MZT1: variants seen among roughly 807,000 people sequenced by gnomAD.
MZT1 encodes mitotic spindle organizing protein 1.
Under a neutral mutation model 8.5 loss-of-function variants are expected in MZT1, and 8 were observed. The ratio of observed to expected loss-of-function variants is 0.94; its 90% CI spans 0.55 to 1.70. MZT1 has a LOEUF of 1.70. MZT1 is among the 40% of genes most tolerant of loss of function. The pLI, the probability that MZT1 is intolerant of heterozygous loss-of-function variation, is 0.00. For synonymous variants in MZT1, 38 were observed against 42.0 expected (o/e 0.90, Z 0.37); for missense variants, 93 against 108.6 (o/e 0.86, Z 0.64).
In MZT1 at chr13:72,719,045, C is replaced by CA. The variant is rs1202866631; in HGVS notation, c.131dup (p.Ser45ValfsTer8). 3 of 1,583,008 alleles carry CA rather than the reference C, an allele frequency of 1.9e-6. No individual in the cohort carries two copies. The highest frequency in any genetic ancestry group is 1.4e-5 in the African/African-American group (1 of 72,440). On this transcript the variant is annotated frameshift_variant, in exon 2 of 3. Transcript: ENST00000377818. LOFTEE classifies it high-confidence loss of function. ...GTTCACAAAGCCGTACACAAATAGA[C>CA]AGAGTTTCCATATCTAAGCCAGTAT...
chr13:72,727,478 G>T, intron 1 of MZT1, 46 bp downstream of exon 1: 1 of 1,590,296 alleles, frequency 6.3e-7, no homozygotes, highest in Non-Finnish European at 8.6e-7. Context: ...GGGGGCCTTG[G>T]CTCTGGGAAG....
intron 1 of MZT1, among the ~76,000 whole-genome samples, chr13:72,723,802 G>A (rs987187701): frequency 1.3e-5 from 2 of 152,132 alleles, no homozygotes; most frequent in Non-Finnish European, 2.9e-5. Flanking sequence ...TATTAGTCCA[G>A]GAGGAGAGAT....
At chr13:72,726,838 G>C (rs1221768553) in intron 1 of MZT1, among the ~76,000 whole-genome samples, 1 of 151,370 alleles carries the variant, frequency 6.6e-6, no homozygotes, top group Non-Finnish European at 1.5e-5. Flanking sequence ...ACCGACATTA[G>C]AGGGTAGACA....
At chr13:72,724,717 T>TATATATATATATATATATAC (rs1171239055) in intron 1 of MZT1, among the ~76,000 whole-genome samples, 2 of 46,396 alleles carry the variant, frequency 4.3e-5, no homozygotes, top group African/African-American at 9.5e-5. Flanking sequence ...TATATATATA[T>TATATATATATATATATATAC]ACATATATAT....
In MZT1 at chr13:72,708,526, TC is replaced by T. The variant is rs1242176012; in HGVS notation, c.*1795del. ...TTAAAGAAGTCCTCTGTAAACACGA[TC>T]CCTTCTCAATATATTTTCCTGCTTT... On this transcript the variant is annotated 3_prime_UTR_variant, in exon 3 of 3. Transcript: ENST00000377818. 4 of 152,686 alleles carry T rather than the reference TC, an allele frequency of 2.6e-5. No individual in the cohort carries two copies. The East Asian group carries it at 7.7e-4, about 29-fold the overall frequency. 9.5% of individuals were successfully genotyped at this position (152,686 alleles called of 1,614,324 possible).
chr13:72,727,597 C>G lies in MZT1; in HGVS notation c.6G>C (p.Ala2=). Residue 2 remains alanine (A), a synonymous_variant, in exon 1 of 3, where the codon GCG becomes GCC. Coordinates refer to ENST00000377818, the MANE Select transcript of MZT1 (RefSeq NM_001071775.3). ...CCGCCGCCCCAGCACCGCTGCTACT[C>G]GCCATGGCTAAGGCCGAGGGAGGCG... is the stretch of plus-strand genomic sequence containing the variant. The part of the protein sequence containing the change: M[A]SSSGAGAAAA... 6.3e-7 allele frequency: 1 copy of G among 1,599,578 alleles called. No homozygotes were observed.
intron 1 of MZT1, among the ~76,000 whole-genome samples, chr13:72,721,617 G>C (rs1031672951): frequency 2.6e-5 from 4 of 152,316 alleles, no homozygotes; most frequent in African/African-American, 9.6e-5. Context: ...ACTTCAGTGT[G>C]TCCACTGGGT....
In MZT1 at chr13:72,727,621, C is replaced by G. The variant is rs938354276; in HGVS notation, c.-19G>C. The G allele has an allele frequency of 6.4e-7, 1 of 1,574,138 alleles. No homozygotes were observed. Among genetic ancestry groups the G allele is most frequent in the East Asian group, 2.4e-5 (1 of 42,508 alleles). On this transcript the variant is annotated 5_prime_UTR_variant, in exon 1 of 3. Coordinates refer to ENST00000377818, the MANE Select transcript of MZT1 (RefSeq NM_001071775.3). ...TCGCCATGGCTAAGGCCGAGGGAGGCGGGAGAAGGGCCTGACCCGGAACTG... is the reference window on the plus strand; with the variant it reads ...TCGCCATGGCTAAGGCCGAGGGAGGGGGGAGAAGGGCCTGACCCGGAACTG...
chr13:72,716,397 C>T (rs1332512800), intron 2 of MZT1, among the ~76,000 whole-genome samples: 3 of 152,110 alleles, frequency 2.0e-5, no homozygotes, highest in South Asian at 4.1e-4. Flanking sequence ...TACATTTTAG[C>T]TCTACAAATG....
chr13:72,724,210 A>T (rs2032617045), intron 1 of MZT1, among the ~76,000 whole-genome samples: 1 of 152,220 alleles, frequency 6.6e-6, no homozygotes, highest in Non-Finnish European at 1.5e-5. Context: ...GAACATAAAA[A>T]AATCAAACTT....
At chr13:72,725,205 A>C (rs1486750780) in intron 1 of MZT1, among the ~76,000 whole-genome samples, 1 of 152,204 alleles carries the variant, frequency 6.6e-6, no homozygotes, top group Non-Finnish European at 1.5e-5. Flanking sequence ...AAAAAGTTGA[A>C]AAGCAAAAGA....
At position 72,710,007 on chromosome 13, in the gene MZT1, T is replaced by G; in HGVS notation, c.*315A>C. Reference sequence around the variant, plus strand: ...CAACCTGGCACAGCAGATGTGCACATCTGATAGACAGACTGCTTAGAAAAT... The same window carrying G: ...CAACCTGGCACAGCAGATGTGCACAGCTGATAGACAGACTGCTTAGAAAAT... On this transcript the variant is annotated 3_prime_UTR_variant, in exon 3 of 3. Transcript: ENST00000377818. 3.1e-6 allele frequency: 1 copy of G among 327,032 alleles called. No homozygotes were observed. Among genetic ancestry groups the G allele is most frequent in the East Asian group, 6.5e-5 (1 of 15,404 alleles). The allele number at this position is 327,032 out of a possible 1,614,324, so 20.3% of individuals were successfully genotyped here.
intron 1 of MZT1, among the ~76,000 whole-genome samples, chr13:72,726,813 G>C (rs1471642909): frequency 1.3e-5 from 2 of 151,786 alleles, no homozygotes; most frequent in Non-Finnish European, 2.9e-5. Context: ...CACCACAGGG[G>C]CATAAAGTGG....
At chr13:72,719,412 C>A (rs1317931618) in intron 1 of MZT1, among the ~76,000 whole-genome samples, 1 of 152,056 alleles carries the variant, frequency 6.6e-6, no homozygotes, top group Non-Finnish European at 1.5e-5. Context: ...TTTTAGTATT[C>A]TTTTAAAATG....
chr13:72,714,321 G>A (rs374747062), intron 2 of MZT1, among the ~76,000 whole-genome samples: 1 of 152,190 alleles, frequency 6.6e-6, no homozygotes. Flanking sequence ...CATGAGCAAA[G>A]AAATAACCTA....
chr13:72,710,223 T>C lies in MZT1; in HGVS notation c.*99A>G, dbSNP rs980492142. 4 of 1,270,816 alleles carry C rather than the reference T, an allele frequency of 3.1e-6. No homozygotes were observed. In the African/African-American group the frequency reaches 5.9e-5, roughly 19 times the overall value. 78.7% of individuals were successfully genotyped at this position (1,270,816 alleles called of 1,614,324 possible). ...TTTAAAAAGTAAAATTTTTCTACAC[T>C]GCTGCATGCAGTAATTTCATTGTAC... On this transcript the variant is annotated 3_prime_UTR_variant, in exon 3 of 3. Coordinates refer to ENST00000377818, the MANE Select transcript of MZT1 (RefSeq NM_001071775.3).
Position 72,725,276 on chromosome 13 carries a change from C to T in MZT1, c.79+2248G>A, listed in dbSNP as rs183105367. 1.1e-4 allele frequency among the ~76,000 whole-genome samples: 16 copies of T among 152,030 alleles called. No individual in the cohort carries two copies. The East Asian group carries it at 2.3e-3, about 22-fold the overall frequency. ...GTTGAAAAGGCACGACTATTTTAAGCGTGTAGAATTTTAGGGATATAAGGA... is the reference window on the plus strand; with the variant it reads ...GTTGAAAAGGCACGACTATTTTAAGTGTGTAGAATTTTAGGGATATAAGGA... On this transcript the variant is annotated intron_variant, in intron 1 of 2. Coordinates refer to ENST00000377818, the MANE Select transcript of MZT1 (RefSeq NM_001071775.3).
chr13:72,708,756 A>G lies in MZT1; in HGVS notation c.*1566T>C, dbSNP rs1354988066. 6.6e-6 allele frequency: 1 copy of G among 152,046 alleles called. No individual in the cohort carries two copies. The highest frequency in any genetic ancestry group is 1.5e-5 in the Non-Finnish European group (1 of 67,996). The allele number at this position is 152,046 out of a possible 1,614,324, so 9.4% of individuals were successfully genotyped here. On this transcript the variant is annotated 3_prime_UTR_variant, in exon 3 of 3. Coordinates refer to ENST00000377818, the MANE Select transcript of MZT1 (RefSeq NM_001071775.3). Reference sequence around the variant, plus strand: ...CTCCTCAACCTGTTCTACCAGTAACAGATCTTCCAGTTTACTTGGTTGGTA... The same window carrying G: ...CTCCTCAACCTGTTCTACCAGTAACGGATCTTCCAGTTTACTTGGTTGGTA...
chr13:72,727,152 C>T (rs946516143), intron 1 of MZT1, among the ~76,000 whole-genome samples: 1 of 152,312 alleles, frequency 6.6e-6, no homozygotes, highest in East Asian at 1.9e-4. Context: ...GGGTGGGACG[C>T]GGCACGCAGG....
Sources: allele counts gnomAD v4.1 joint callset (sites outside exome capture counted in the v4.1 genomes callset), GRCh38; gene constraint gnomAD v4.1.1; transcripts MANE v1.5; gene names NCBI Gene and HGNC (gene_info 2026-07-23, HGNC 2026-07-21).